Variants in OSBPL6 observed in about 807,000 individuals in gnomAD.
OSBPL6 encodes oxysterol binding protein like 6, also known as oxysterol-binding protein-related protein 6.
In OSBPL6, 49 loss-of-function variants were observed where a neutral mutation model predicts 125.8. The observed-to-expected ratio is 0.39, with a 90% CI of 0.31 to 0.49. OSBPL6 has a LOEUF of 0.49. Ranked by LOEUF, OSBPL6 falls within the 20% of genes least tolerant of loss-of-function variation. OSBPL6 has a pLI of 0.88. For missense variants in OSBPL6, 986 were observed against 1,135.4 expected, an observed-to-expected ratio of 0.87 and a Z score of 1.89; for synonymous variants, 394 against 391.8, an observed-to-expected ratio of 1.01 and a Z score of -0.07.
rs1695655187 is a variant in OSBPL6 at position 178,394,189 on chromosome 2, C to T, written c.2574-124C>T. ...ACTCCAGCCTGGCGACAGAGCAAGA[C>T]TCCGTCCGTTACTGTGCGGTATTTT... On this transcript the variant is annotated intron_variant, in intron 23 of 24. Transcript: ENST00000190611. The T allele has an allele frequency of 1.3e-5, 16 of 1,252,172 alleles. No homozygotes were observed. In the South Asian group the frequency reaches 2.0e-4, roughly 15 times the overall value. 77.6% of individuals were successfully genotyped at this position (1,252,172 alleles called of 1,614,324 possible). A position where few individuals can be genotyped will look rare whatever the true frequency, so the allele number is the denominator to read the frequency against.
chr2:178,234,973 T>C (rs908485390), intron 1 of OSBPL6, among the ~76,000 whole-genome samples: 1 of 152,220 alleles, frequency 6.6e-6, no homozygotes, highest in Non-Finnish European at 1.5e-5. Context: ...CACTCACTCT[T>C]ACCACCTTAT....
chr2:178,318,105 G>T (rs890348701), intron 3 of OSBPL6, among the ~76,000 whole-genome samples: 11 of 152,240 alleles, frequency 7.2e-5, no homozygotes, highest in African/African-American at 2.7e-4. Context: ...AAAGGCAACT[G>T]TGGGAATTAA....
rs1037690736 is a variant in OSBPL6 at position 178,285,106 on chromosome 2, G to A, written c.-171G>A. 1 of 398,350 alleles carries A rather than the reference G, an allele frequency of 2.5e-6. No homozygotes were observed. Among genetic ancestry groups the A allele is most frequent in the Non-Finnish European group, 4.4e-6 (1 of 225,984 alleles). The allele number at this position is 398,350 out of a possible 1,614,324, so 24.7% of individuals were successfully genotyped here. ...CCATAAAGCTGACTTGGAAGACTTT[G>A]ACTCCAAGGTGCAAGGTGAGTTAGA... is the stretch of plus-strand genomic sequence containing the variant. On this transcript the variant is annotated 5_prime_UTR_variant, in exon 2 of 25. Coordinates refer to ENST00000190611, the MANE Select transcript of OSBPL6 (RefSeq NM_032523.4).
chr2:178,337,599 A>G lies in OSBPL6; in HGVS notation c.790+1166A>G, dbSNP rs1259854256. On this transcript the variant is annotated intron_variant, in intron 9 of 24. Coordinates refer to ENST00000190611, the MANE Select transcript of OSBPL6 (RefSeq NM_032523.4). ...CTTAGAGACCATTTCTGGCTTTCAT[A>G]GAACTTTCTCATCTACCATCTCAGT... Among the ~76,000 whole-genome samples, 6 of 152,354 alleles carry G rather than the reference A, an allele frequency of 3.9e-5. 1 individual carries two copies. The highest frequency in any genetic ancestry group is 1.4e-4 in the African/African-American group (6 of 41,582).
At chr2:178,318,353 G>A (rs1394227076) in intron 3 of OSBPL6, among the ~76,000 whole-genome samples, 2 of 152,146 alleles carry the variant, frequency 1.3e-5, no homozygotes, top group Non-Finnish European at 2.9e-5. Flanking sequence ...GTGCTGTGTA[G>A]ACTTTTTTCA....
chr2:178,317,344 G>A (rs1687831306), intron 3 of OSBPL6, among the ~76,000 whole-genome samples: 1 of 150,048 alleles, frequency 6.7e-6, no homozygotes, highest in African/African-American at 2.4e-5. Context: ...GAGGTGCTGA[G>A]GCATGAGGTG....
chr2:178,336,123 T>A lies in OSBPL6; in HGVS notation c.658-178T>A, dbSNP rs541106893. On this transcript the variant is annotated intron_variant, in intron 8 of 24. Coordinates refer to ENST00000190611, the MANE Select transcript of OSBPL6 (RefSeq NM_032523.4). Reference sequence around the variant, plus strand: ...AGATGGCAGTTTAATGAGGGGTTGCTGTTTAGGAATGTCGCCCTCACTGGG... The same window carrying A: ...AGATGGCAGTTTAATGAGGGGTTGCAGTTTAGGAATGTCGCCCTCACTGGG... 2.9e-4 allele frequency among the ~76,000 whole-genome samples: 44 copies of A among 152,368 alleles called. No homozygotes were observed. In the Middle Eastern group the frequency reaches 0.01, roughly 35 times the overall value.
Position 178,402,114 on chromosome 2 carries a change from G to A in OSBPL6, c.*6555G>A, listed in dbSNP as rs1365354139. 6.6e-6 allele frequency: 1 copy of A among 151,392 alleles called. No homozygotes were observed. Among genetic ancestry groups the A allele is most frequent in the Non-Finnish European group, 1.5e-5 (1 of 67,950 alleles). 9.4% of individuals were successfully genotyped at this position (151,392 alleles called of 1,614,324 possible). A position where few individuals can be genotyped will look rare whatever the true frequency, so the allele number is the denominator to read the frequency against. On this transcript the variant is annotated 3_prime_UTR_variant, in exon 25 of 25. Coordinates refer to ENST00000190611, the MANE Select transcript of OSBPL6 (RefSeq NM_032523.4). ...GCAAGTTCCTGTCTTAAAAAAAAAAGTAATAAAAAAGACATTTAAAAAAAA... is the reference window on the plus strand; with the variant it reads ...GCAAGTTCCTGTCTTAAAAAAAAAAATAATAAAAAAGACATTTAAAAAAAA...
intron 1 of OSBPL6, among the ~76,000 whole-genome samples, chr2:178,228,338 A>T (rs1165920781): frequency 6.6e-6 from 1 of 152,184 alleles, no homozygotes; most frequent in Admixed American, 6.5e-5. Flanking sequence ...GATCGAGACC[A>T]TCCTGGCTAA....
intron 13 of OSBPL6, among the ~76,000 whole-genome samples, chr2:178,363,886 T>C (rs1382682452): frequency 6.6e-6 from 1 of 152,202 alleles, no homozygotes; most frequent in African/African-American, 2.4e-5. Flanking sequence ...TTACAGCCTA[T>C]CCAGTAGATA....
intron 12 of OSBPL6, among the ~76,000 whole-genome samples, chr2:178,354,860 A>T (rs970510003): frequency 6.4e-5 from 9 of 140,246 alleles, no homozygotes; most frequent in African/African-American, 2.4e-4. Context: ...CAGCAAATGT[A>T]AAAAACAGAA....
intron 2 of OSBPL6, among the ~76,000 whole-genome samples, chr2:178,287,284 T>TC (rs1188860434): frequency 1.3e-5 from 2 of 152,072 alleles, no homozygotes; most frequent in Non-Finnish European, 2.9e-5. Context: ...TATCCATTTC[T>TC]CCCCCCTAGA....
chr2:178,384,261 TG>T, intron 18 of OSBPL6, 85 bp downstream of exon 18: 1 of 1,510,134 alleles, frequency 6.6e-7, no homozygotes, highest in Middle Eastern at 1.7e-4. Context: ...AACAATCTGT[TG>T]GGATGGGTTA....
intron 1 of OSBPL6, among the ~76,000 whole-genome samples, chr2:178,257,066 G>A (rs2091910188): frequency 6.6e-6 from 1 of 152,174 alleles, no homozygotes; most frequent in African/African-American, 2.4e-5. Context: ...GCATTGGAAG[G>A]CCAAATATCT....
chr2:178,336,218 T>A, intron 8 of OSBPL6, 83 bp from the exon 9 acceptor site: 8 of 1,482,326 alleles, frequency 5.4e-6, no homozygotes, highest in Non-Finnish European at 6.4e-6. Flanking sequence ...TCTTTGTTAA[T>A]ACGGTTTTGA....
chr2:178,254,235 T>C (rs1484669551), intron 1 of OSBPL6, among the ~76,000 whole-genome samples: 3 of 151,798 alleles, frequency 2.0e-5, no homozygotes, highest in Non-Finnish European at 4.4e-5. Flanking sequence ...CTACTAAAAA[T>C]ACAAAAAATT....
intron 2 of OSBPL6, 149 bp downstream of exon 2, chr2:178,285,270 G>A (rs1449094457): frequency 1.0e-5 from 4 of 387,754 alleles, no homozygotes; most frequent in Non-Finnish European, 1.8e-5. Flanking sequence ...AAAATAATAT[G>A]TCATAATCCT....
chr2:178,279,787 A>G (rs962068355), intron 1 of OSBPL6, among the ~76,000 whole-genome samples: 1 of 152,198 alleles, frequency 6.6e-6, no homozygotes, highest in African/African-American at 2.4e-5. Context: ...TTAATCTTCA[A>G]TGTACTTTGT....
intron 1 of OSBPL6, among the ~76,000 whole-genome samples, chr2:178,204,470 GC>G (rs1203660368): frequency 6.6e-6 from 1 of 152,158 alleles, no homozygotes; most frequent in Non-Finnish European, 1.5e-5. Context: ...CCCTCCCTGT[GC>G]CACTGCTGGA....
Sources: gnomAD v4.1 joint callset for allele counts (sites outside exome capture counted in the v4.1 genomes callset) on GRCh38, gnomAD v4.1.1 for gene constraint, MANE v1.5 for transcripts, NCBI Gene and HGNC (gene_info 2026-07-23, HGNC 2026-07-21) for gene names.